The following MAGI1 variants were observed in gnomAD, a reference collection of about 807,000 sequenced individuals.
MAGI1 encodes the protein membrane-associated guanylate kinase, WW and PDZ domain-containing protein 1.
Under a neutral mutation model 139.9 loss-of-function variants are expected in MAGI1, and 58 were observed. That is an observed-to-expected ratio of 0.41 (90% CI 0.34 to 0.52). The LOEUF (loss-of-function observed/expected upper bound fraction) is 0.52, where lower values mean the gene tolerates loss of function less well. Among genes scored for constraint, MAGI1 ranks in the 20% least tolerant of loss-of-function variants. MAGI1 has a pLI of 0.12. For synonymous variants in MAGI1, 812 were observed against 737.9 expected, an observed-to-expected ratio of 1.10 and a Z score of -1.63; for missense variants, 1,874 against 1,901.6, an observed-to-expected ratio of 0.99 and a Z score of 0.27.
At chr3:65,525,996 A>G (rs1464394755) in intron 2 of MAGI1, among the ~76,000 whole-genome samples, 1 of 152,208 alleles carries the variant, frequency 6.6e-6, no homozygotes, top group African/African-American at 2.4e-5. Context: ...GTATATGGAA[A>G]AAGGCTTCCT....
intron 2 of MAGI1, among the ~76,000 whole-genome samples, chr3:65,518,026 G>T (rs1301381947): frequency 1.3e-5 from 2 of 152,068 alleles, no homozygotes; most frequent in South Asian, 4.2e-4. Context: ...TAGAACAGAG[G>T]GTTTTGTCTG....
chr3:65,980,989 T>C (rs1385828210), intron 1 of MAGI1, among the ~76,000 whole-genome samples: 1 of 151,810 alleles, frequency 6.6e-6, no homozygotes, highest in Non-Finnish European at 1.5e-5. Flanking sequence ...TAAAACCCAG[T>C]CTCTACTAAA....
chr3:65,662,808 C>G (rs1185259199), intron 1 of MAGI1, among the ~76,000 whole-genome samples: 22 of 152,154 alleles, frequency 1.4e-4, no homozygotes, highest in Middle Eastern at 6.8e-3. Context: ...ACTTATTTAC[C>G]ACACATAACT....
At chr3:65,702,327 G>A (rs1239364478) in intron 1 of MAGI1, among the ~76,000 whole-genome samples, 2 of 152,146 alleles carry the variant, frequency 1.3e-5, no homozygotes, top group African/African-American at 4.8e-5. Context: ...TCATTAGGCA[G>A]AAAGAGTTTC....
intron 1 of MAGI1, among the ~76,000 whole-genome samples, chr3:65,740,212 G>C (rs1490829559): frequency 6.6e-6 from 1 of 152,136 alleles, no homozygotes; most frequent in Non-Finnish European, 1.5e-5. Flanking sequence ...ATTTCCACTA[G>C]TGTCTTTTTG....
intron 1 of MAGI1, among the ~76,000 whole-genome samples, chr3:65,988,316 A>G (rs1363596288): frequency 1.3e-5 from 2 of 152,194 alleles, no homozygotes; most frequent in African/African-American, 2.4e-5. Context: ...TAAAGCAGGC[A>G]TAACTGTGCT....
chr3:65,398,433 G>A (rs1196880005), intron 13 of MAGI1, among the ~76,000 whole-genome samples: 1 of 152,076 alleles, frequency 6.6e-6, no homozygotes, highest in East Asian at 1.9e-4. Flanking sequence ...CCAGAAGTTC[G>A]AGGCTGCAGT....
At chr3:65,623,673 G>C (rs1186146923) in intron 1 of MAGI1, among the ~76,000 whole-genome samples, 1 of 152,152 alleles carries the variant, frequency 6.6e-6, no homozygotes, top group African/African-American at 2.4e-5. Context: ...TAAATCATGA[G>C]GATGACAGTG....
intron 1 of MAGI1, among the ~76,000 whole-genome samples, chr3:65,862,853 A>C (rs988748843): frequency 5.3e-5 from 8 of 152,228 alleles, no homozygotes; most frequent in African/African-American, 1.9e-4. Context: ...GATTTCTCAC[A>C]GATTAAGTCA....
At chr3:65,736,489 A>G (rs1048791208) in intron 1 of MAGI1, among the ~76,000 whole-genome samples, 2 of 152,226 alleles carry the variant, frequency 1.3e-5, no homozygotes, top group African/African-American at 4.8e-5. Flanking sequence ...TGCAAGCTAA[A>G]GAACCAAGAA....
intron 1 of MAGI1, among the ~76,000 whole-genome samples, chr3:66,013,221 T>C (rs2067426433): frequency 6.7e-6 from 1 of 150,026 alleles, no homozygotes; most frequent in Non-Finnish European, 1.5e-5. Flanking sequence ...CTGACCAACA[T>C]GGAGAAACCC....
chr3:65,483,396 A>C (rs1951412871), intron 3 of MAGI1, among the ~76,000 whole-genome samples: 1 of 152,160 alleles, frequency 6.6e-6, no homozygotes, highest in Non-Finnish European at 1.5e-5. Flanking sequence ...AAAGTATTCC[A>C]CCTTTGCAAT....
At chr3:65,460,639 T>C (rs1165165606) in intron 5 of MAGI1, among the ~76,000 whole-genome samples, 1 of 152,178 alleles carries the variant, frequency 6.6e-6, no homozygotes, top group Non-Finnish European at 1.5e-5. Context: ...GGTGGTTTGC[T>C]GCACCCATCA....
At chr3:65,783,358 G>T (rs2039088692) in intron 1 of MAGI1, among the ~76,000 whole-genome samples, 1 of 152,068 alleles carries the variant, frequency 6.6e-6, no homozygotes, top group Non-Finnish European at 1.5e-5. Context: ...AATCAAAAAG[G>T]CAAAATAAGG....
intron 2 of MAGI1, among the ~76,000 whole-genome samples, chr3:65,494,845 T>C (rs2107675455): frequency 6.6e-6 from 1 of 152,360 alleles, no homozygotes; most frequent in Middle Eastern, 3.4e-3. Flanking sequence ...CAACACTTAG[T>C]ACACACTTTA....
chr3:65,886,385 A>T (rs975995804), intron 1 of MAGI1, among the ~76,000 whole-genome samples: 12 of 152,168 alleles, frequency 7.9e-5, no homozygotes, highest in Non-Finnish European at 1.8e-4. Context: ...GCGTGTCTCA[A>T]GATTCTCTTT....
chr3:65,549,978 T>A (rs909376055), intron 2 of MAGI1, among the ~76,000 whole-genome samples: 1 of 152,144 alleles, frequency 6.6e-6, no homozygotes, highest in South Asian at 2.1e-4. Context: ...AGCCAAAAAA[T>A]TCTCTTCTGG....
chr3:65,538,859 A>G (rs1413590204), intron 2 of MAGI1, among the ~76,000 whole-genome samples: 2 of 152,142 alleles, frequency 1.3e-5, no homozygotes, highest in African/African-American at 2.4e-5. Context: ...CAACAAACAG[A>G]CACACATACC....
At chr3:65,399,233 C>T (rs1575610329) in intron 13 of MAGI1, among the ~76,000 whole-genome samples, 1 of 152,152 alleles carries the variant, frequency 6.6e-6, no homozygotes, top group Non-Finnish European at 1.5e-5. Flanking sequence ...TGTGTCATTA[C>T]TTGAATGGCT....
Sources: allele counts gnomAD v4.1 joint callset (sites outside exome capture counted in the v4.1 genomes callset), GRCh38; gene constraint gnomAD v4.1.1; transcripts MANE v1.5; gene names NCBI Gene and HGNC (gene_info 2026-07-23, HGNC 2026-07-21).